Variants in CBLB observed in about 807,000 individuals in gnomAD.
CBLB encodes the protein E3 ubiquitin-protein ligase CBL-B.
A neutral mutation model predicts 104.9 loss-of-function variants in CBLB; 31 were observed. The observed-to-expected ratio is 0.30, with a 90% CI of 0.22 to 0.40. The LOEUF is 0.40. CBLB is among the 10% of genes least tolerant of loss of function. CBLB has a pLI of 1.00. For synonymous variants in CBLB, 440 were observed against 422.6 expected, an observed-to-expected ratio of 1.04 and a Z score of -0.51; for missense variants, 1,062 against 1,214.6, an observed-to-expected ratio of 0.87 and a Z score of 1.87.
At position 105,657,081 on chromosome 3, in the gene CBLB, A is replaced by C. The variant is rs554668513; in HGVS notation, c.*1889T>G. 4.4e-6 allele frequency: 1 copy of C among 227,130 alleles called. No homozygotes were observed. The highest frequency in any genetic ancestry group is 8.8e-6 in the Non-Finnish European group (1 of 114,180). 14.1% of individuals were successfully genotyped at this position (227,130 alleles called of 1,614,324 possible). On this transcript the variant is annotated 3_prime_UTR_variant, in exon 19 of 19. Transcript: ENST00000394030. ...CAGAACCATCTGAAAAAATTCATAC[A>C]AAAGCAGAAATTACCCAAGGCCTGT...
intron 4 of CBLB, among the ~76,000 whole-genome samples, chr3:105,772,754 CAT>C (rs761297426): frequency 1.3e-5 from 2 of 152,122 alleles, no homozygotes; most frequent in East Asian, 1.9e-4. Context: ...AGCCAACAAA[CAT>C]ATGAAAAAAT....
At chr3:105,756,550 T>C (rs1161691339) in intron 4 of CBLB, among the ~76,000 whole-genome samples, 2 of 152,180 alleles carry the variant, frequency 1.3e-5, no homozygotes, top group African/African-American at 4.8e-5. Context: ...GTCTAAAAAT[T>C]TAATGTAACT....
intron 4 of CBLB, among the ~76,000 whole-genome samples, chr3:105,770,794 T>C (rs770184240): frequency 6.6e-6 from 1 of 152,140 alleles, no homozygotes; most frequent in Non-Finnish European, 1.5e-5. Flanking sequence ...AAACCAAGCA[T>C]TGTTAGCAGA....
chr3:105,838,573 A>G (rs542957660), intron 3 of CBLB, among the ~76,000 whole-genome samples: 22 of 152,004 alleles, frequency 1.4e-4, no homozygotes, highest in Non-Finnish European at 1.8e-4. Flanking sequence ...AATTCCAAGG[A>G]TAGTGATTAG....
Position 105,678,551 on chromosome 3 carries a change from G to A in CBLB, c.2449C>T (p.Leu817Phe). The A allele has an allele frequency of 6.2e-7, 1 of 1,613,416 alleles. No homozygotes were observed. The highest frequency in any genetic ancestry group is 8.5e-7 in the Non-Finnish European group (1 of 1,179,648). Reference sequence around the variant, plus strand: ...GGGGGAGGTGGGAGAGATGGAGGGAGGGCATCAAAAGCATCTTCACCTGCA... The same window carrying A: ...GGGGGAGGTGGGAGAGATGGAGGGAAGGCATCAAAAGCATCTTCACCTGCA... ...PPLGEDAFDA[L>F]PPSLPPPPPP... The change falls in exon 17 of 19, where the codon CTC (leucine) becomes TTC (phenylalanine). Residue 817 changes from leucine to phenylalanine, a missense_variant. Leu to Phe is a conservative substitution (Grantham distance 22). Coordinates refer to ENST00000394030, the MANE Select transcript of CBLB (RefSeq NM_170662.5).
At chr3:105,702,592 G>T (rs2069389134) in intron 11 of CBLB, 133 bp from the exon 12 acceptor site, 2 of 912,098 alleles carry the variant, frequency 2.2e-6, no homozygotes, top group African/African-American at 1.7e-5. Flanking sequence ...CTAGATTCCT[G>T]TGCCATCTTT....
In CBLB at chr3:105,704,120, G is replaced by A. The variant is rs770042684; in HGVS notation, c.1461C>T (p.Ala487=). Residue 487 remains alanine (A), a synonymous_variant, in exon 11 of 19, where the codon GCC becomes GCT. Transcript: ENST00000394030. ...GGTCAGGCTGTGGCTTTCTTCTCTG[G>A]GCAAGGGGAGAGGATCCTGGTGATG... ...PVTSPGSSPL[A]QRRKPQPDPL... 7 of 1,614,078 alleles carry A rather than the reference G, an allele frequency of 4.3e-6. No individual in the cohort carries two copies. Among genetic ancestry groups the A allele is most frequent in the Non-Finnish European group, 5.9e-6 (7 of 1,179,986 alleles).
intron 3 of CBLB, among the ~76,000 whole-genome samples, chr3:105,789,080 A>C (rs1378238411): frequency 6.6e-6 from 1 of 152,216 alleles, no homozygotes; most frequent in Non-Finnish European, 1.5e-5. Context: ...CATGACAAAT[A>C]ATAATTGCTG....
At chr3:105,678,958 G>A (rs769654797) in intron 16 of CBLB, among the ~76,000 whole-genome samples, 5 of 152,042 alleles carry the variant, frequency 3.3e-5, no homozygotes, top group Non-Finnish European at 7.4e-5. Context: ...TTTCTGTGTA[G>A]CAAAAAGAGT....
intron 2 of CBLB, among the ~76,000 whole-genome samples, chr3:105,860,314 A>G (rs2091987522): frequency 6.6e-6 from 1 of 152,232 alleles, no homozygotes; most frequent in African/African-American, 2.4e-5. Context: ...TACATTGAAT[A>G]AAGCTGCCTA....
chr3:105,788,496 T>G (rs2081281753), intron 3 of CBLB, among the ~76,000 whole-genome samples: 1 of 152,292 alleles, frequency 6.6e-6, no homozygotes, highest in South Asian at 2.1e-4. Flanking sequence ...TACGAATTTG[T>G]GTTGAGCTAC....
intron 3 of CBLB, among the ~76,000 whole-genome samples, chr3:105,850,661 T>C (rs987948258): frequency 5.3e-5 from 8 of 152,168 alleles, no homozygotes; most frequent in African/African-American, 1.9e-4. Context: ...AACAATAAAC[T>C]TGAATGAGGA....
At chr3:105,837,881 TG>T (rs2088812088) in intron 3 of CBLB, among the ~76,000 whole-genome samples, 1 of 152,136 alleles carries the variant, frequency 6.6e-6, no homozygotes, top group African/African-American at 2.4e-5. Flanking sequence ...CACTTTCCAT[TG>T]TAACATCTCT....
intron 10 of CBLB, among the ~76,000 whole-genome samples, chr3:105,709,147 G>A (rs1163925709): frequency 6.6e-6 from 1 of 151,776 alleles, no homozygotes; most frequent in Non-Finnish European, 1.5e-5. Context: ...ATGCCTCTTG[G>A]ATTATTTGCT....
At chr3:105,694,993 A>C (rs1397437423) in intron 12 of CBLB, among the ~76,000 whole-genome samples, 2 of 151,882 alleles carry the variant, frequency 1.3e-5, no homozygotes, top group Non-Finnish European at 3.0e-5. Context: ...TTAACAGACA[A>C]ACACACATAT....
intron 3 of CBLB, among the ~76,000 whole-genome samples, chr3:105,848,574 C>T (rs2090570721): frequency 6.6e-6 from 1 of 151,976 alleles, no homozygotes; most frequent in Non-Finnish European, 1.5e-5. Flanking sequence ...TTCTCATCTC[C>T]CCTTAAATGT....
intron 3 of CBLB, among the ~76,000 whole-genome samples, chr3:105,816,265 T>C (rs1034228445): frequency 6.6e-6 from 1 of 152,104 alleles, no homozygotes; most frequent in African/African-American, 2.4e-5. Context: ...TGCAAAACCA[T>C]GAAATTAGTA....
At chr3:105,777,192 T>C (rs1317375561) in intron 3 of CBLB, among the ~76,000 whole-genome samples, 1 of 152,178 alleles carries the variant, frequency 6.6e-6, no homozygotes, top group East Asian at 1.9e-4. Flanking sequence ...TAAAGAGGCA[T>C]CTGAATCAAT....
intron 18 of CBLB, among the ~76,000 whole-genome samples, chr3:105,666,522 C>T (rs2064478469): frequency 6.6e-6 from 1 of 151,974 alleles, no homozygotes; most frequent in African/African-American, 2.4e-5. Context: ...CCCATCTCTA[C>T]TAAAAATACA....
Sources: gnomAD v4.1 joint callset for allele counts (sites outside exome capture counted in the v4.1 genomes callset) on GRCh38, gnomAD v4.1.1 for gene constraint, MANE v1.5 for transcripts, NCBI Gene and HGNC (gene_info 2026-07-23, HGNC 2026-07-21) for gene names.